The following TEK variants were observed in gnomAD, a reference collection of about 807,000 sequenced individuals.
TEK encodes the protein TEK receptor tyrosine kinase, also known as angiopoietin-1 receptor.
Under a neutral mutation model 131.8 loss-of-function variants are expected in TEK, and 43 were observed. The ratio of observed to expected loss-of-function variants is 0.33; its 90% confidence interval spans 0.26 to 0.42. The LOEUF (loss-of-function observed/expected upper bound fraction) is 0.42. TEK is among the 10% of genes least tolerant of loss of function. The pLI is 1.00. For synonymous variants in TEK, 580 were observed against 491.6 expected (o/e 1.18, Z -2.38); for missense variants, 1,162 against 1,384.4 (o/e 0.84, Z 2.55).
intron 21 of TEK, among the ~76,000 whole-genome samples, chr9:27,221,330 G>A (rs1366092233): frequency 6.6e-6 from 1 of 152,196 alleles, no homozygotes; most frequent in Non-Finnish European, 1.5e-5. Flanking sequence ...TGGTAAGGGT[G>A]GCTGTTGGTG....
chr9:27,185,169 A>G (rs1824550226), intron 8 of TEK, among the ~76,000 whole-genome samples: 1 of 152,144 alleles, frequency 6.6e-6, no homozygotes, highest in African/African-American at 2.4e-5. Flanking sequence ...TCTGTGTTAG[A>G]TAGGAAAGGA....
chr9:27,208,974 G>A (rs557657254), intron 15 of TEK, 147 bp from the exon 16 acceptor site: 3 of 686,226 alleles, frequency 4.4e-6, no homozygotes, highest in African/African-American at 1.8e-5. Flanking sequence ...TGCCAAGGCC[G>A]AGAAACTCTA....
intron 1 of TEK, among the ~76,000 whole-genome samples, chr9:27,157,439 TTG>T (rs1341326351): frequency 6.6e-6 from 1 of 152,232 alleles, no homozygotes; most frequent in African/African-American, 2.4e-5. Flanking sequence ...TACTTTATTA[TTG>T]TGACAGTATC....
intron 21 of TEK, among the ~76,000 whole-genome samples, chr9:27,224,560 C>G (rs1486867424): frequency 2.0e-5 from 3 of 152,116 alleles, no homozygotes; most frequent in Non-Finnish European, 4.4e-5. Context: ...TCAACACCCC[C>G]TCAGGCTAAA....
intron 10 of TEK, 47 bp downstream of exon 10, chr9:27,190,737 A>C: frequency 5.6e-6 from 9 of 1,610,210 alleles, no homozygotes; most frequent in Non-Finnish European, 7.6e-6. Context: ...TGGCACCAGG[A>C]GAATTATTTT....
intron 1 of TEK, among the ~76,000 whole-genome samples, chr9:27,141,620 C>A (rs1208677596): frequency 1.3e-5 from 2 of 152,022 alleles, no homozygotes; most frequent in East Asian, 3.9e-4. Flanking sequence ...CTAGATGTGA[C>A]AATAAGTCTA....
Position 27,190,721 on chromosome 9 carries a change from G to A in TEK, c.1489+31G>A, listed in dbSNP as rs774481737. The A allele has an allele frequency of 6.2e-6, 10 of 1,613,072 alleles. No individual in the cohort carries two copies. In the Admixed American group the frequency reaches 1.5e-4, roughly 24 times the overall value. On this transcript the variant is annotated intron_variant, in intron 10 of 22. Transcript: ENST00000380036. ...CTTTGGACAGGATAGATGCCAGCTG[G>A]GGATGTGGCACCAGGAGAATTATTT...
intron 1 of TEK, among the ~76,000 whole-genome samples, chr9:27,146,919 C>G (rs868333318): frequency 6.6e-6 from 1 of 151,840 alleles, no homozygotes; most frequent in Non-Finnish European, 1.5e-5. Flanking sequence ...TTAGTAGAGA[C>G]GGGGTTTCAC....
chr9:27,164,402 C>T (rs1399717296), intron 2 of TEK, among the ~76,000 whole-genome samples: 1 of 151,068 alleles, frequency 6.6e-6, no homozygotes, highest in East Asian at 1.9e-4. Flanking sequence ...TCACTGCAAG[C>T]TCCGCCTCCT....
In TEK at chr9:27,191,968, A is replaced by G. The variant is rs1295994653; in HGVS notation, c.1490-521A>G. 5 of 455,622 alleles carry G rather than the reference A, an allele frequency of 1.1e-5. No individual in the cohort carries two copies. The East Asian group carries it at 3.5e-4, about 32-fold the overall frequency. 28.2% of individuals were successfully genotyped at this position (455,622 alleles called of 1,614,324 possible). A position where few individuals can be genotyped will look rare whatever the true frequency, so the allele number is the denominator to read the frequency against. On this transcript the variant is annotated intron_variant, in intron 10 of 22. Transcript: ENST00000380036. Reference sequence around the variant, plus strand: ...CAGAGGCTGACTAAAGCAAATAGGTAAGGAGAAAAGAGACAGATACCATTT... The same window carrying G: ...CAGAGGCTGACTAAAGCAAATAGGTGAGGAGAAAAGAGACAGATACCATTT...
rs879716539 is a variant in TEK, at chr9:27,121,167, C to CA, written c.52+11535dup. Among the ~76,000 whole-genome samples the CA allele has an allele frequency of 6.0e-3, 889 of 148,692 alleles. 8 individuals are homozygous for CA. Among genetic ancestry groups the CA allele is most frequent in the Middle Eastern group, 0.021 (6 of 290 alleles). ...CGAAACCCCGCCTCTACTAAAAATA[C>CA]AAAAAAAAAATTAGCCAGGCGTGGT... On this transcript the variant is annotated intron_variant, in intron 1 of 22. Coordinates refer to ENST00000380036, the MANE Select transcript of TEK (RefSeq NM_000459.5).
chr9:27,153,031 G>T (rs189534378), intron 1 of TEK, among the ~76,000 whole-genome samples: 2 of 152,202 alleles, frequency 1.3e-5, no homozygotes, highest in South Asian at 2.1e-4. Context: ...AAAATACAGT[G>T]AGCAAAACAT....
chr9:27,193,590 A>G (rs10967765), intron 11 of TEK, among the ~76,000 whole-genome samples: 30,904 of 151,966 alleles, frequency 0.2, 3,324 homozygotes, highest in East Asian at 0.3. Flanking sequence ...GATCTTTTGT[A>G]AGGTTCCATT....
chr9:27,213,709 TGTCCCAGTAGATAC>T, intron 18 of TEK, 112 bp downstream of exon 18: 1 of 808,010 alleles, frequency 1.2e-6, no homozygotes, highest in South Asian at 1.4e-5. Flanking sequence ...TCTGACTGTA[TGTCCCAGTAGATAC>T]TGTGTGCCCT....
At chr9:27,162,864 C>G (rs1180333383) in intron 2 of TEK, among the ~76,000 whole-genome samples, 1 of 152,066 alleles carries the variant, frequency 6.6e-6, no homozygotes, top group Non-Finnish European at 1.5e-5. Context: ...TACAGGTGCG[C>G]ACCACCATGC....
chr9:27,211,204 A>AATATATATGTGTATATATATGC (rs371389814), intron 16 of TEK, among the ~76,000 whole-genome samples: 3 of 21,496 alleles, frequency 1.4e-4, no homozygotes, highest in Non-Finnish European at 4.1e-4. Context: ...TATATATATG[A>AATATATATGTGTATATATATGC]ATATATGTGT....
chr9:27,158,369 G>A (rs1482473701), intron 2 of TEK, among the ~76,000 whole-genome samples: 1 of 145,930 alleles, frequency 6.9e-6, no homozygotes, highest in Non-Finnish European at 1.5e-5. Context: ...TACTTTGTGA[G>A]ATGAAATATT....
intron 18 of TEK, among the ~76,000 whole-genome samples, chr9:27,217,348 A>G (rs1381114400): frequency 6.6e-6 from 1 of 152,008 alleles, no homozygotes; most frequent in South Asian, 2.1e-4. Context: ...TTTCCATATT[A>G]TTAATACAGT....
At chr9:27,164,607 C>G (rs1465454888) in intron 2 of TEK, among the ~76,000 whole-genome samples, 2 of 152,192 alleles carry the variant, frequency 1.3e-5, no homozygotes, top group African/African-American at 4.8e-5. Context: ...GCGTGAGCAA[C>G]TACGCCTGGC....
Sources: allele counts gnomAD v4.1 joint callset (sites outside exome capture counted in the v4.1 genomes callset), GRCh38; gene constraint gnomAD v4.1.1; transcripts MANE v1.5; gene names NCBI Gene and HGNC (gene_info 2026-07-23, HGNC 2026-07-21).